The following LRRC4C variants were observed in gnomAD, a reference collection of about 807,000 sequenced individuals.
LRRC4C encodes leucine-rich repeat-containing protein 4C.
LRRC4C carries 5 observed loss-of-function variants against 33.6 expected under a neutral mutation model. The observed-to-expected ratio is 0.15, with a 90% confidence interval of 0.08 to 0.31. The LOEUF (loss-of-function observed/expected upper bound fraction) is 0.31. LRRC4C is among the 10% of genes least tolerant of loss of function. LRRC4C has a pLI of 1.00. For synonymous variants in LRRC4C, 329 were observed against 302.0 expected (o/e 1.09, Z -0.93); for missense variants, 560 against 796.7 (o/e 0.70, Z 3.58).
chr11:40,253,923 T>A (rs1866989996), intron 4 of LRRC4C, among the ~76,000 whole-genome samples: 2 of 152,252 alleles, frequency 1.3e-5, no homozygotes, highest in Non-Finnish European at 2.9e-5. Context: ...TTTATTCACA[T>A]TATATAAGTT....
At chr11:40,130,858 T>A (rs987552739) in intron 6 of LRRC4C, among the ~76,000 whole-genome samples, 1 of 152,180 alleles carries the variant, frequency 6.6e-6, no homozygotes, top group Non-Finnish European at 1.5e-5. Context: ...TTACTTTAGA[T>A]TGAAATTACC....
chr11:40,543,190 AT>A (rs5791384), intron 3 of LRRC4C, among the ~76,000 whole-genome samples: 13,496 of 150,164 alleles, frequency 0.09, 1,709 homozygotes, highest in African/African-American at 0.28. Context: ...TTGTCCCATT[AT>A]TTTTTTTTTC....
At chr11:41,034,495 A>G (rs1415295741) in intron 1 of LRRC4C, among the ~76,000 whole-genome samples, 1 of 146,660 alleles carries the variant, frequency 6.8e-6, no homozygotes, top group East Asian at 2.0e-4. Flanking sequence ...ATATACACAT[A>G]TATATACAAA....
chr11:40,345,877 A>T (rs547626848), intron 3 of LRRC4C, among the ~76,000 whole-genome samples: 37 of 114,406 alleles, frequency 3.2e-4, no homozygotes, highest in Admixed American at 3.1e-3. Context: ...ACACCATTAA[A>T]AAGTGGGCAA....
intron 4 of LRRC4C, among the ~76,000 whole-genome samples, chr11:40,295,539 A>G (rs1321643515): frequency 2.0e-5 from 3 of 152,328 alleles, no homozygotes; most frequent in South Asian, 4.1e-4. Context: ...ATCTAAGTTT[A>G]TACAAAATGC....
At chr11:40,456,973 ATACAG>A (rs1952160907) in intron 3 of LRRC4C, among the ~76,000 whole-genome samples, 1 of 151,968 alleles carries the variant, frequency 6.6e-6, no homozygotes, top group Admixed American at 6.6e-5. Flanking sequence ...TATGTGTGCT[ATACAG>A]TAGTTCACTG....
chr11:41,242,258 T>C (rs535307192), intron 1 of LRRC4C, among the ~76,000 whole-genome samples: 1 of 152,280 alleles, frequency 6.6e-6, no homozygotes, highest in South Asian at 2.1e-4. Flanking sequence ...TGAATTATTA[T>C]CTCCAGGGGA....
intron 4 of LRRC4C, among the ~76,000 whole-genome samples, chr11:40,313,679 C>T (rs1005129911): frequency 4.1e-5 from 6 of 145,608 alleles, no homozygotes; most frequent in African/African-American, 1.5e-4. Context: ...GCAATCTCGG[C>T]TCACTGCAAG....
At chr11:41,342,070 G>C (rs1951659025) in intron 1 of LRRC4C, among the ~76,000 whole-genome samples, 2 of 151,566 alleles carry the variant, frequency 1.3e-5, no homozygotes, top group African/African-American at 4.8e-5. Flanking sequence ...GAATAGGTGA[G>C]GCATTGAAGC....
chr11:41,114,185 C>T, intron 1 of LRRC4C, among the ~76,000 whole-genome samples: 1 of 152,098 alleles, frequency 6.6e-6, no homozygotes, highest in African/African-American at 2.4e-5. Flanking sequence ...TGTGACAGCA[C>T]TGGAATACTA....
intron 2 of LRRC4C, among the ~76,000 whole-genome samples, chr11:40,653,058 C>T (rs1184488064): frequency 6.6e-6 from 1 of 152,174 alleles, no homozygotes; most frequent in Non-Finnish European, 1.5e-5. Flanking sequence ...GAGGCTTTCC[C>T]ATCTAAGAAG....
chr11:40,815,896 T>C (rs1012551474), intron 2 of LRRC4C, among the ~76,000 whole-genome samples: 6 of 152,236 alleles, frequency 3.9e-5, no homozygotes, highest in African/African-American at 1.4e-4. Context: ...CTCCTAGCAT[T>C]AAAGCTAATA....
At chr11:41,374,542 C>T (rs899229742) in intron 1 of LRRC4C, among the ~76,000 whole-genome samples, 5 of 151,786 alleles carry the variant, frequency 3.3e-5, no homozygotes, top group Admixed American at 2.0e-4. Context: ...TTCTAAAATG[C>T]CAGTGTTATT....
intron 5 of LRRC4C, among the ~76,000 whole-genome samples, chr11:40,221,817 C>G (rs1161703590): frequency 6.6e-6 from 1 of 152,002 alleles, no homozygotes; most frequent in Non-Finnish European, 1.5e-5. Context: ...GTCACGTACC[C>G]CCTGCTTGCT....
At chr11:40,830,889 G>C (rs140440473) in intron 2 of LRRC4C, among the ~76,000 whole-genome samples, 2 of 152,086 alleles carry the variant, frequency 1.3e-5, no homozygotes, top group African/African-American at 2.4e-5. Flanking sequence ...ATCATGGTTC[G>C]TGTTAACTTA....
intron 2 of LRRC4C, among the ~76,000 whole-genome samples, chr11:40,758,566 A>C (rs1397521040): frequency 6.6e-6 from 1 of 151,964 alleles, no homozygotes; most frequent in Non-Finnish European, 1.5e-5. Flanking sequence ...ATATATTAGT[A>C]ATGAGTGTTT....
chr11:40,906,395 CA>C (rs1259923713), intron 2 of LRRC4C, among the ~76,000 whole-genome samples: 3 of 152,150 alleles, frequency 2.0e-5, no homozygotes, highest in Non-Finnish European at 4.4e-5. Flanking sequence ...CCTGTAATCC[CA>C]GCTACTCGGG....
intron 3 of LRRC4C, among the ~76,000 whole-genome samples, chr11:40,509,436 AT>A (rs1338798320): frequency 1.3e-5 from 2 of 152,126 alleles, no homozygotes; most frequent in Non-Finnish European, 2.9e-5. Context: ...TTGAAGAAAA[AT>A]GTAAATGATA....
intron 2 of LRRC4C, among the ~76,000 whole-genome samples, chr11:40,923,732 A>G (rs534163251): frequency 3.7e-4 from 56 of 152,224 alleles, no homozygotes; most frequent in African/African-American, 1.2e-3. Context: ...GCTGTAATAG[A>G]AAAATCTGAG....
Sources: allele counts gnomAD v4.1 joint callset (sites outside exome capture counted in the v4.1 genomes callset), GRCh38; gene constraint gnomAD v4.1.1; transcripts MANE v1.5; gene names NCBI Gene and HGNC (gene_info 2026-07-23, HGNC 2026-07-21).